The following TNFRSF10B variants were observed in gnomAD, a reference collection of about 807,000 sequenced individuals.
TNFRSF10B encodes the protein tumor necrosis factor receptor superfamily member 10B.
In TNFRSF10B, 35 loss-of-function variants were observed where a neutral mutation model predicts 41.4. The ratio of observed to expected loss-of-function variants is 0.85; its 90% CI spans 0.65 to 1.12. The LOEUF (loss-of-function observed/expected upper bound fraction) is 1.12. TNFRSF10B is among the 50% of genes most tolerant of loss of function. TNFRSF10B has a pLI of 0.00. For synonymous variants in TNFRSF10B, 230 were observed against 215.5 expected, an observed-to-expected ratio of 1.07 and a Z score of -0.59; for missense variants, 584 against 552.7, an observed-to-expected ratio of 1.06 and a Z score of -0.57.
intron 1 of TNFRSF10B, among the ~76,000 whole-genome samples, chr8:23,047,747 C>T (rs1397313062): frequency 1.3e-5 from 2 of 152,196 alleles, no homozygotes; most frequent in Admixed American, 6.5e-5. Context: ...CCCTTGCTTA[C>T]TGTTGGTGGG....
intron 2 of TNFRSF10B, among the ~76,000 whole-genome samples, chr8:23,033,572 C>T (rs1811941119): frequency 8.8e-6 from 1 of 114,006 alleles, no homozygotes; most frequent in Admixed American, 1.2e-4. Flanking sequence ...TGGGCGACAG[C>T]GAGACTCCGT....
intron 4 of TNFRSF10B, among the ~76,000 whole-genome samples, chr8:23,029,239 T>C (rs1043998109): frequency 6.6e-6 from 1 of 152,164 alleles, no homozygotes; most frequent in South Asian, 2.1e-4. Flanking sequence ...TGCATAAAAA[T>C]ATTAAAAAAT....
rs1201620710 is a variant in TNFRSF10B, at chr8:23,022,849, A to G, written c.1145T>C (p.Leu382Ser). 5.6e-6 allele frequency: 9 copies of G among 1,613,946 alleles called. No individual in the cohort carries two copies. Among genetic ancestry groups the G allele is most frequent in the Non-Finnish European group, 7.6e-6 (9 of 1,180,018 alleles). The change falls in exon 9 of 9, where the codon TTG (leucine) becomes TCG (serine). Residue 382 changes from leucine to serine, a missense_variant. Coordinates refer to ENST00000276431, the MANE Select transcript of TNFRSF10B (RefSeq NM_003842.5). Reference sequence around the variant, plus strand: ...GACCCACTTTATCAGCATCGTGTACAAGGTGTCCCTGTGGCCCGCTGCCTC... The same window carrying G: ...GACCCACTTTATCAGCATCGTGTACGAGGTGTCCCTGTGGCCCGCTGCCTC... ...KAEAAGHRDT[L>S]YTMLIKWVNK...
At chr8:23,032,026 C>T (rs1811899440) in intron 2 of TNFRSF10B, among the ~76,000 whole-genome samples, 1 of 151,722 alleles carries the variant, frequency 6.6e-6, no homozygotes, top group South Asian at 2.1e-4. Flanking sequence ...CCTGCCTCAG[C>T]CTCCCGAGTA....
rs375901155 is a variant in TNFRSF10B at position 23,057,098 on chromosome 8, G to A, written c.144+11653C>T. On this transcript the variant is annotated intron_variant, in intron 1 of 8. Coordinates refer to ENST00000276431, the MANE Select transcript of TNFRSF10B (RefSeq NM_003842.5). ...TTGCCCAGGCTGGATGGAGTGCAGT[G>A]GTGCAATCTTGGCTCACTGCAAGCT... is the stretch of plus-strand genomic sequence containing the variant. Among the ~76,000 whole-genome samples, 58 of 147,038 alleles carry A rather than the reference G, an allele frequency of 3.9e-4. 1 individual carries two copies. Among genetic ancestry groups the A allele is most frequent in the African/African-American group, 1.4e-3 (55 of 38,094 alleles).
intron 2 of TNFRSF10B, among the ~76,000 whole-genome samples, chr8:23,040,362 ATT>A (rs1227943221): frequency 2.2e-5 from 1 of 45,524 alleles, no homozygotes; most frequent in African/African-American, 7.6e-5. Flanking sequence ...CAAAATATAT[ATT>A]TAATAAATAT....
At chr8:23,035,532 G>A (rs964740624) in intron 2 of TNFRSF10B, among the ~76,000 whole-genome samples, 4 of 152,152 alleles carry the variant, frequency 2.6e-5, no homozygotes, top group African/African-American at 9.7e-5. Context: ...AACCTCACGA[G>A]CAAGAAGTAG....
At position 23,029,715 on chromosome 8, in the gene TNFRSF10B, A is replaced by G. The variant is rs1175642876; in HGVS notation, c.371T>C (p.Val124Ala). ...GGTCGTGGTGCAGGGACTTAGCTCC[A>G]CTTCACCTGACGACAGAGCATAAGG... The part of the protein sequence containing the change: ...LRCTRCDSGE[V>A]ELSPCTTTRN... Residue 124 changes from valine (V) to alanine (A), a missense_variant, in exon 4 of 9, where the codon GTG (valine) becomes GCG (alanine). Physicochemically the swap from Val to Ala is moderately conservative, Grantham distance 64. Transcript: ENST00000276431. 1.2e-6 allele frequency: 2 copies of G among 1,613,182 alleles called. No individual in the cohort carries two copies. The highest frequency in any genetic ancestry group is 2.7e-5 in the African/African-American group (2 of 74,790).
intron 2 of TNFRSF10B, among the ~76,000 whole-genome samples, chr8:23,035,173 G>A (rs748323938): frequency 2.0e-5 from 3 of 151,278 alleles, no homozygotes; most frequent in Non-Finnish European, 4.4e-5. Context: ...ACAGAGTCTT[G>A]CTCTGTCTCT....
intron 1 of TNFRSF10B, among the ~76,000 whole-genome samples, chr8:23,052,773 G>A (rs1184304105): frequency 6.6e-6 from 1 of 152,146 alleles, no homozygotes; most frequent in Non-Finnish European, 1.5e-5. Flanking sequence ...CAAATACTAG[G>A]TTTGCTAAAT....
At chr8:23,026,908 G>A (rs1012408587) in intron 7 of TNFRSF10B, among the ~76,000 whole-genome samples, 2 of 152,122 alleles carry the variant, frequency 1.3e-5, no homozygotes, top group South Asian at 2.1e-4. Context: ...GGAGCTCCAG[G>A]CTCGGGGGAC....
At chr8:23,045,060 C>CAGAA (rs1211235465) in intron 1 of TNFRSF10B, among the ~76,000 whole-genome samples, 11 of 38,804 alleles carry the variant, frequency 2.8e-4, no homozygotes, top group African/African-American at 1.2e-3. Context: ...TAATAAAATA[C>CAGAA]AAAAAAAAAA....
chr8:23,040,344 A>AATAT (rs1163307639), intron 2 of TNFRSF10B, among the ~76,000 whole-genome samples: 1 of 36,950 alleles, frequency 2.7e-5, no homozygotes, highest in African/African-American at 5.3e-5. Flanking sequence ...ATATTTATTA[A>AATAT]ATATATACAA....
rs1172491049 is a variant in TNFRSF10B at position 23,028,405 on chromosome 8, A to G, written c.674T>C (p.Leu225Ser). ...CTTGCAAACAAACACAGCCACAATCAAGACTACGGCTGCAACTGTGACTCC... is the reference window on the plus strand; with the variant it reads ...CTTGCAAACAAACACAGCCACAATCGAGACTACGGCTGCAACTGTGACTCC... The part of the protein sequence containing the change: ...IIGVTVAAVV[L>S]IVAVFVCKSL... Residue 225 changes from leucine to serine, a missense_variant, in exon 5 of 9, where the codon TTG becomes TCG. By Grantham distance (145) the Leu-to-Ser change is moderately radical. Coordinates refer to ENST00000276431, the MANE Select transcript of TNFRSF10B (RefSeq NM_003842.5). The G allele has an allele frequency of 6.2e-7, 1 of 1,614,084 alleles. No individual in the cohort carries two copies. The highest frequency in any genetic ancestry group is 2.2e-5 in the East Asian group (1 of 44,884).
intron 7 of TNFRSF10B, among the ~76,000 whole-genome samples, chr8:23,026,737 G>A (rs1054273828): frequency 1.3e-5 from 2 of 152,158 alleles, no homozygotes; most frequent in Admixed American, 6.5e-5. Context: ...GCTGCCCTAC[G>A]AACTTTGAAA....
chr8:23,040,059 C>A (rs1812125363), intron 2 of TNFRSF10B, among the ~76,000 whole-genome samples: 1 of 151,560 alleles, frequency 6.6e-6, no homozygotes, highest in Non-Finnish European at 1.5e-5. Flanking sequence ...GGCATGGTGG[C>A]TACTCCCTGT....
rs1397853530 is a variant in TNFRSF10B, at chr8:23,068,851, CG to C, written c.43del (p.Arg15GlyfsTer41). The C allele has an allele frequency of 1.2e-6, 2 of 1,613,270 alleles. No individual in the cohort carries two copies. Among genetic ancestry groups the C allele is most frequent in the Non-Finnish European group, 1.7e-6 (2 of 1,179,950 alleles). ...CCTGGGTCCTGGGCCGTGCCTTTTC[CG>C]GGCCCCCGAAGCGGCCGGGGCGTTC... The part of the protein sequence containing the change: ...GQNAPAASGA[R>X]KRHGPGPREA... On this transcript the variant is annotated frameshift_variant, in exon 1 of 9. Transcript: ENST00000276431. LOFTEE classifies it high-confidence loss of function.
At chr8:23,058,004 G>A (rs1812719769) in intron 1 of TNFRSF10B, among the ~76,000 whole-genome samples, 1 of 151,966 alleles carries the variant, frequency 6.6e-6, no homozygotes, top group African/African-American at 2.4e-5. Context: ...CCCAGCACTT[G>A]GGGAGGCCGA....
At position 23,021,591 on chromosome 8, in the gene TNFRSF10B, A is replaced by G. The variant is rs1197080462; in HGVS notation, c.*1080T>C. ...CATCTGCCTCTGTCCCAGCCTGTCC[A>G]TAGATGGGGGCTATGGGTGCAAATG... On this transcript the variant is annotated 3_prime_UTR_variant, in exon 9 of 9. Transcript: ENST00000276431. The G allele has an allele frequency of 8.8e-5, 40 of 454,066 alleles. No individual in the cohort carries two copies. The highest frequency in any genetic ancestry group is 1.4e-4 in the Non-Finnish European group (31 of 226,816). The allele number at this position is 454,066 out of a possible 1,614,324, so 28.1% of individuals were successfully genotyped here.
Sources: allele counts gnomAD v4.1 joint callset (sites outside exome capture counted in the v4.1 genomes callset), GRCh38; gene constraint gnomAD v4.1.1; transcripts MANE v1.5; gene names NCBI Gene and HGNC (gene_info 2026-07-23, HGNC 2026-07-21).